The following NREP variants were observed in gnomAD, a reference collection of about 807,000 sequenced individuals.
NREP encodes neuronal regeneration-related protein.
Under a neutral mutation model 8.6 loss-of-function variants are expected in NREP, and 5 were observed. That is an observed-to-expected ratio of 0.58 (90% CI 0.30 to 1.22). NREP has a LOEUF of 1.22. NREP is among the 50% of genes most tolerant of loss of function. The pLI is 0.07. For missense variants in NREP, 86 were observed against 82.5 expected, an observed-to-expected ratio of 1.04 and a Z score of -0.17; for synonymous variants, 27 against 28.0, an observed-to-expected ratio of 0.96 and a Z score of 0.11.
At chr5:111,936,677 A>T (rs17133896) in intron 2 of NREP, among the ~76,000 whole-genome samples, 2,637 of 152,198 alleles carry the variant, frequency 0.017, 38 homozygotes, top group African/African-American at 0.04. Context: ...ACTCTCCCAC[A>T]CAGTTGTCCC....
At chr5:111,737,724 AAAAAACAAAAAC>A in intron 2 of NREP, among the ~76,000 whole-genome samples, 1 of 150,824 alleles carries the variant, frequency 6.6e-6, no homozygotes, top group South Asian at 2.1e-4. Context: ...CTAAAAAAAA[AAAAAACAAAAAC>A]AAAAACAAAA....
chr5:111,847,992 G>C (rs903492050), intron 2 of NREP, among the ~76,000 whole-genome samples: 7 of 152,122 alleles, frequency 4.6e-5, no homozygotes, highest in Admixed American at 4.6e-4. Flanking sequence ...ACCTAGGAAA[G>C]GCTCTTGCCT....
At chr5:111,933,555 G>A (rs1441571433) in intron 2 of NREP, among the ~76,000 whole-genome samples, 1 of 152,018 alleles carries the variant, frequency 6.6e-6, no homozygotes, top group Non-Finnish European at 1.5e-5. Context: ...GACAGAGGAA[G>A]TATTGCCATC....
At chr5:111,750,695 C>A (rs1208613646) in intron 2 of NREP, among the ~76,000 whole-genome samples, 1 of 152,196 alleles carries the variant, frequency 6.6e-6, no homozygotes, top group Non-Finnish European at 1.5e-5. Context: ...ACAGAAATAG[C>A]TTCTACTGAA....
At chr5:111,903,976 T>G (rs949046255) in intron 2 of NREP, among the ~76,000 whole-genome samples, 1 of 152,170 alleles carries the variant, frequency 6.6e-6, no homozygotes, top group African/African-American at 2.4e-5. Context: ...TTAATGAAAG[T>G]AATTTGTCTA....
chr5:111,863,924 A>C (rs1221788004), intron 2 of NREP, among the ~76,000 whole-genome samples: 1 of 152,124 alleles, frequency 6.6e-6, no homozygotes, highest in Non-Finnish European at 1.5e-5. Flanking sequence ...AAGTGTTCCA[A>C]GATATATGGA....
downstream of NREP, chr5:111,728,916 AAAAG>A (rs142374348): frequency 0.22 from 32,775 of 151,964 alleles, 3,960 homozygotes; most frequent in African/African-American, 0.34. Context: ...TTGGCAGGGA[AAAAG>A]AAAGAATACC....
chr5:111,921,190 G>A (rs1285281334), intron 2 of NREP, among the ~76,000 whole-genome samples: 1 of 152,060 alleles, frequency 6.6e-6, no homozygotes, highest in Non-Finnish European at 1.5e-5. Context: ...CTCAGGAGTG[G>A]AGACCCTAAC....
At chr5:111,802,166 T>G (rs1752028909) in intron 2 of NREP, among the ~76,000 whole-genome samples, 1 of 152,054 alleles carries the variant, frequency 6.6e-6, no homozygotes, top group Admixed American at 6.5e-5. Flanking sequence ...CTGTTCAGAG[T>G]GATCAGAAAG....
At chr5:111,878,464 A>G (rs1753965190) in intron 2 of NREP, among the ~76,000 whole-genome samples, 1 of 152,196 alleles carries the variant, frequency 6.6e-6, no homozygotes, top group African/African-American at 2.4e-5. Flanking sequence ...TCCCAAGAAC[A>G]GCACGGGGGA....
At chr5:111,789,820 G>GA (rs963797593) in intron 2 of NREP, among the ~76,000 whole-genome samples, 3 of 151,986 alleles carry the variant, frequency 2.0e-5, no homozygotes, top group African/African-American at 7.3e-5. Context: ...ATTACTCAGA[G>GA]AAAAAATAGG....
chr5:111,778,682 G>T (rs166253), intron 2 of NREP, among the ~76,000 whole-genome samples: 80,265 of 151,912 alleles, frequency 0.53, 21,430 homozygotes, highest in African/African-American at 0.61. Flanking sequence ...AAGTTTGTTT[G>T]TGTTTGTTTG....
intron 2 of NREP, among the ~76,000 whole-genome samples, chr5:111,858,119 A>T (rs368016207): frequency 6.6e-6 from 1 of 152,146 alleles, no homozygotes; most frequent in African/African-American, 2.4e-5. Context: ...GTTGCCGGGA[A>T]CTTGATAGAA....
intron 2 of NREP, among the ~76,000 whole-genome samples, chr5:111,860,276 GC>G (rs1367522765): frequency 6.6e-6 from 1 of 152,062 alleles, no homozygotes; most frequent in African/African-American, 2.4e-5. Context: ...AGACCTTAGT[GC>G]CCCCTTTGAT....
intron 2 of NREP, among the ~76,000 whole-genome samples, chr5:111,862,725 CT>C (rs1268848711): frequency 1.3e-5 from 2 of 151,888 alleles, no homozygotes; most frequent in Non-Finnish European, 2.9e-5. Context: ...ACAGACAGGA[CT>C]TAAAATATCG....
intron 2 of NREP, among the ~76,000 whole-genome samples, chr5:111,842,560 T>C (rs1171034726): frequency 1.3e-5 from 2 of 152,202 alleles, no homozygotes; most frequent in Admixed American, 6.6e-5. Context: ...ATTAACAAAT[T>C]ATTTGTTATT....
intron 2 of NREP, among the ~76,000 whole-genome samples, chr5:111,847,015 C>T (rs771317404): frequency 2.6e-5 from 4 of 152,032 alleles, no homozygotes; most frequent in Admixed American, 6.6e-5. Flanking sequence ...ATAAAGGCGA[C>T]GACTGATGCC....
At chr5:111,830,954 G>T (rs1752752859) in intron 2 of NREP, among the ~76,000 whole-genome samples, 2 of 152,092 alleles carry the variant, frequency 1.3e-5, no homozygotes, top group Non-Finnish European at 2.9e-5. Flanking sequence ...TTATTTACTT[G>T]TACTTCCCTG....
chr5:111,866,215 A>G (rs1753660769), intron 2 of NREP, among the ~76,000 whole-genome samples: 1 of 152,168 alleles, frequency 6.6e-6, no homozygotes, highest in African/African-American at 2.4e-5. Context: ...TGAACAGGCA[A>G]CCTATAGAAT....
Sources: gnomAD v4.1 joint callset for allele counts (sites outside exome capture counted in the v4.1 genomes callset) on GRCh38, gnomAD v4.1.1 for gene constraint, MANE v1.5 for transcripts, NCBI Gene and HGNC (gene_info 2026-07-23, HGNC 2026-07-21) for gene names.